Variants in MTMR7 observed in about 807,000 individuals in gnomAD.
MTMR7 encodes the protein phosphatidylinositol-3-phosphate phosphatase MTMR7.
Under a neutral mutation model 81.2 loss-of-function variants are expected in MTMR7, and 76 were observed. That is an observed-to-expected ratio of 0.94 (90% CI 0.78 to 1.13). The LOEUF (loss-of-function observed/expected upper bound fraction) is 1.13, where lower values mean the gene tolerates loss of function less well. Among genes scored for constraint, MTMR7 ranks in the 50% most tolerant of loss-of-function variants. The pLI, the probability that MTMR7 is intolerant of heterozygous loss-of-function variation, is 0.00. For synonymous variants in MTMR7, 372 were observed against 289.8 expected, an observed-to-expected ratio of 1.28 and a Z score of -2.88; for missense variants, 1,044 against 820.0, an observed-to-expected ratio of 1.27 and a Z score of -3.34.
At chr8:17,357,378 C>G (rs1399665665) in intron 4 of MTMR7, among the ~76,000 whole-genome samples, 1 of 152,166 alleles carries the variant, frequency 6.6e-6, no homozygotes. Context: ...ACAAATGTTA[C>G]CATGTTGAGT....
intron 1 of MTMR7, among the ~76,000 whole-genome samples, chr8:17,400,408 G>C (rs755552946): frequency 1.3e-5 from 2 of 152,174 alleles, no homozygotes; most frequent in Non-Finnish European, 2.9e-5. Flanking sequence ...TGGCCCCAGA[G>C]TGTGTGTTCT....
chr8:17,383,005 G>A (rs545693413), intron 1 of MTMR7, among the ~76,000 whole-genome samples: 15 of 151,130 alleles, frequency 9.9e-5, no homozygotes, highest in African/African-American at 3.2e-4. Context: ...TCTTGAGAGC[G>A]GCTGGTGTTC....
chr8:17,322,038 C>T (rs1216422606), intron 7 of MTMR7, among the ~76,000 whole-genome samples: 1 of 152,080 alleles, frequency 6.6e-6, no homozygotes, highest in East Asian at 1.9e-4. Context: ...TCCATTTGAA[C>T]CCTGTGGGGT....
At chr8:17,318,528 A>G (rs1238691016) in intron 7 of MTMR7, among the ~76,000 whole-genome samples, 2 of 152,128 alleles carry the variant, frequency 1.3e-5, no homozygotes, top group Non-Finnish European at 2.9e-5. Flanking sequence ...CATAACGGAT[A>G]GTGTTCCCGA....
At chr8:17,360,972 G>A in intron 4 of MTMR7, 145 bp downstream of exon 4, 1 of 842,552 alleles carries the variant, frequency 1.2e-6, no homozygotes, top group Non-Finnish European at 1.8e-6. Context: ...AAATACAGCT[G>A]GCACTAACCA....
chr8:17,392,499 A>C (rs1821134092), intron 1 of MTMR7, among the ~76,000 whole-genome samples: 1 of 152,206 alleles, frequency 6.6e-6, no homozygotes, highest in South Asian at 2.1e-4. Context: ...CCTCCACTAA[A>C]AAGCCAAAGT....
rs140248204 is a variant in MTMR7, at chr8:17,334,301, C to T, written c.733-3019G>A. Among the ~76,000 whole-genome samples, 21 of 152,286 alleles carry T rather than the reference C, an allele frequency of 1.4e-4. No individual in the cohort carries two copies. The East Asian group carries it at 2.7e-3, about 20-fold the overall frequency. On this transcript the variant is annotated intron_variant, in intron 6 of 13. Coordinates refer to ENST00000180173, the MANE Select transcript of MTMR7 (RefSeq NM_004686.5). ...ATTCAATGTTATCTTGGACATTTTA[C>T]GTGTATGTGTGCGCAGTAAGATACG...
intron 2 of MTMR7, 103 bp downstream of exon 2, chr8:17,373,015 C>G: frequency 7.0e-7 from 1 of 1,422,504 alleles, no homozygotes; most frequent in African/African-American, 1.4e-5. Flanking sequence ...CATCCAGGCA[C>G]AAAAGCCCAC....
At chr8:17,399,366 A>G (rs976806385) in intron 1 of MTMR7, among the ~76,000 whole-genome samples, 1 of 152,206 alleles carries the variant, frequency 6.6e-6, no homozygotes, top group African/African-American at 2.4e-5. Context: ...AAATCAAGAA[A>G]GCAATCCTAT....
intron 7 of MTMR7, among the ~76,000 whole-genome samples, chr8:17,317,912 T>G (rs1255423516): frequency 1.3e-5 from 2 of 152,254 alleles, no homozygotes; most frequent in African/African-American, 4.8e-5. Flanking sequence ...TATTTTTGCC[T>G]TTTTTTCCAC....
chr8:17,393,237 ATTTGGACCTC>A, intron 1 of MTMR7, among the ~76,000 whole-genome samples: 1 of 152,344 alleles, frequency 6.6e-6, no homozygotes, highest in South Asian at 2.1e-4. Context: ...AAAACAATGC[ATTTGGACCTC>A]TATCTCACAC....
At chr8:17,303,703 T>G (rs1189989602) in intron 12 of MTMR7, among the ~76,000 whole-genome samples, 1 of 151,540 alleles carries the variant, frequency 6.6e-6, no homozygotes, top group Non-Finnish European at 1.5e-5. Flanking sequence ...TCCTCCTCCC[T>G]GGTTCAAGTG....
At chr8:17,369,471 T>C (rs1451442856) in intron 3 of MTMR7, among the ~76,000 whole-genome samples, 1 of 152,000 alleles carries the variant, frequency 6.6e-6, no homozygotes, top group Non-Finnish European at 1.5e-5. Flanking sequence ...GAAAAGTTCA[T>C]AATTGAACTT....
chr8:17,341,350 C>G lies in MTMR7; in HGVS notation c.732+13G>C, dbSNP rs192502810. 2 of 1,613,610 alleles carry G rather than the reference C, an allele frequency of 1.2e-6. No homozygotes were observed. Among genetic ancestry groups the G allele is most frequent in the South Asian group, 1.1e-5 (1 of 91,022 alleles). ...TCAGGTGCAAAGACATGCATCGCAA[C>G]GGTGACACTTACTTTAGGCCGGGTG... On this transcript the variant is annotated intron_variant, in intron 6 of 13. Coordinates refer to ENST00000180173, the MANE Select transcript of MTMR7 (RefSeq NM_004686.5).
At chr8:17,401,081 G>A (rs1821414571) in intron 1 of MTMR7, among the ~76,000 whole-genome samples, 1 of 151,960 alleles carries the variant, frequency 6.6e-6, no homozygotes, top group African/African-American at 2.4e-5. Context: ...TGCAATTCGG[G>A]GGATACGGAA....
At chr8:17,317,344 G>C (rs1196729481) in intron 7 of MTMR7, among the ~76,000 whole-genome samples, 1 of 152,212 alleles carries the variant, frequency 6.6e-6, no homozygotes, top group East Asian at 1.9e-4. Context: ...TGTCTTCGAT[G>C]TTTGTAGGCC....
At chr8:17,351,163 G>A (rs911302689) in intron 4 of MTMR7, among the ~76,000 whole-genome samples, 1 of 152,234 alleles carries the variant, frequency 6.6e-6, no homozygotes, top group African/African-American at 2.4e-5. Flanking sequence ...AAGGAAATGA[G>A]TAGGTTTTCA....
At chr8:17,380,387 C>T (rs991610453) in intron 1 of MTMR7, among the ~76,000 whole-genome samples, 1 of 152,026 alleles carries the variant, frequency 6.6e-6, no homozygotes, top group Non-Finnish European at 1.5e-5. Flanking sequence ...TTGCATAATC[C>T]CCATTTCATA....
intron 1 of MTMR7, among the ~76,000 whole-genome samples, chr8:17,397,428 G>C (rs1189564615): frequency 6.6e-6 from 1 of 152,162 alleles, no homozygotes; most frequent in Non-Finnish European, 1.5e-5. Flanking sequence ...GTCGGTGGTG[G>C]CCTGCAGAAA....
Sources: gnomAD v4.1 joint callset for allele counts (sites outside exome capture counted in the v4.1 genomes callset) on GRCh38, gnomAD v4.1.1 for gene constraint, MANE v1.5 for transcripts, NCBI Gene and HGNC (gene_info 2026-07-23, HGNC 2026-07-21) for gene names.